The following GRM5 variants were observed in gnomAD, a reference collection of about 807,000 sequenced individuals.
GRM5 encodes the protein metabotropic glutamate receptor 5.
Under a neutral mutation model 83.1 loss-of-function variants are expected in GRM5, and 19 were observed. That is an observed-to-expected ratio of 0.23 (90% CI 0.16 to 0.34). The LOEUF is 0.34. Among genes scored for constraint, GRM5 ranks in the 10% least tolerant of loss-of-function variants. GRM5 has a pLI of 1.00. For synonymous variants in GRM5, 675 were observed against 633.6 expected (o/e 1.07, Z -0.98); for missense variants, 1,160 against 1,588.3 (o/e 0.73, Z 4.58).
intron 3 of GRM5, among the ~76,000 whole-genome samples, chr11:88,662,203 C>A (rs929499340): frequency 6.6e-6 from 1 of 152,126 alleles, no homozygotes; most frequent in Non-Finnish European, 1.5e-5. Context: ...GGAGGATTAA[C>A]TAGCCTTATA....
chr11:88,906,282 A>G (rs1172355988), intron 2 of GRM5, among the ~76,000 whole-genome samples: 1 of 152,206 alleles, frequency 6.6e-6, no homozygotes, highest in African/African-American at 2.4e-5. Flanking sequence ...AACAGAGGGC[A>G]ACTAAAACAA....
intron 2 of GRM5, among the ~76,000 whole-genome samples, chr11:88,978,473 TTAAAAAAAAAAAAAA>T (rs1939409881): frequency 1.8e-5 from 1 of 56,818 alleles, no homozygotes; most frequent in African/African-American, 6.6e-5. Context: ...GCAGATGAGC[TTAAAAAAAAAAAAAA>T]AAAAAAAAAA....
rs115452942 is a variant in GRM5 at position 88,580,002 on chromosome 11, A to T, written c.1690+10599T>A. 7.4e-3 allele frequency among the ~76,000 whole-genome samples: 1,124 copies of T among 152,308 alleles called. 12 individuals are homozygous for T. Among genetic ancestry groups the T allele is most frequent in the African/African-American group, 0.026 (1,086 of 41,586 alleles). ...GAGAAGTGGTGGAATTTGGGATATG[A>T]AGGATTAGCCAATGGGATTTCTTTA... On this transcript the variant is annotated intron_variant, in intron 7 of 9. Coordinates refer to ENST00000305447, the MANE Select transcript of GRM5 (RefSeq NM_001143831.3).
chr11:88,951,076 AGT>A (rs10588925), intron 2 of GRM5, among the ~76,000 whole-genome samples: 127,344 of 151,228 alleles, frequency 0.84, 56,357 homozygotes, highest in East Asian at 0.97. Context: ...GGCAGATTAG[AGT>A]GTGTGTGTGT....
At chr11:88,743,468 A>G (rs1019621467) in intron 3 of GRM5, among the ~76,000 whole-genome samples, 1 of 152,132 alleles carries the variant, frequency 6.6e-6, no homozygotes, top group Non-Finnish European at 1.5e-5. Flanking sequence ...CATGCCAAAT[A>G]ATTTGCCTCA....
chr11:88,856,523 T>G (rs1184497309), intron 2 of GRM5, among the ~76,000 whole-genome samples: 1 of 152,062 alleles, frequency 6.6e-6, no homozygotes, highest in Admixed American at 6.6e-5. Flanking sequence ...TGCCTGAAGC[T>G]AATTTATGGT....
chr11:88,686,089 C>G (rs1181501942), intron 3 of GRM5, among the ~76,000 whole-genome samples: 4 of 152,136 alleles, frequency 2.6e-5, no homozygotes, highest in Non-Finnish European at 5.9e-5. Context: ...ACACTCAACA[C>G]TACCCGCTGA....
intron 3 of GRM5, among the ~76,000 whole-genome samples, chr11:88,801,014 C>G (rs1943382967): frequency 6.6e-6 from 1 of 152,032 alleles, no homozygotes; most frequent in Admixed American, 6.6e-5. Flanking sequence ...CTGATAAATG[C>G]TATATGCTTC....
chr11:88,730,603 G>C (rs1941786084), intron 3 of GRM5, among the ~76,000 whole-genome samples: 1 of 152,052 alleles, frequency 6.6e-6, no homozygotes, highest in Non-Finnish European at 1.5e-5. Flanking sequence ...TAATAGCAAA[G>C]ACTTGGAACC....
intron 3 of GRM5, among the ~76,000 whole-genome samples, chr11:88,712,003 G>T (rs552517050): frequency 2.0e-4 from 31 of 151,948 alleles, no homozygotes; most frequent in Non-Finnish European, 3.5e-4. Flanking sequence ...AACCCATTAC[G>T]CACAAGAGTT....
intron 3 of GRM5, among the ~76,000 whole-genome samples, chr11:88,721,492 A>C (rs1372938137): frequency 1.3e-5 from 2 of 152,134 alleles, no homozygotes; most frequent in East Asian, 3.9e-4. Flanking sequence ...GGTTACAAAA[A>C]CACAGTCTAA....
At chr11:88,675,429 C>T (rs1940303502) in intron 3 of GRM5, among the ~76,000 whole-genome samples, 1 of 151,786 alleles carries the variant, frequency 6.6e-6, no homozygotes, top group African/African-American at 2.4e-5. Flanking sequence ...GAGTAAGGAT[C>T]TTTGGAGGTT....
intron 3 of GRM5, among the ~76,000 whole-genome samples, chr11:88,777,357 T>C (rs932949520): frequency 2.0e-5 from 3 of 152,214 alleles, no homozygotes; most frequent in Non-Finnish European, 4.4e-5. Context: ...TTCAAGGTTT[T>C]TAGCTTCCTT....
chr11:89,065,390 T>C (rs992072427), intron 1 of GRM5, among the ~76,000 whole-genome samples: 1 of 146,154 alleles, frequency 6.8e-6, no homozygotes, highest in Non-Finnish European at 1.5e-5. Flanking sequence ...CTTTATCTTT[T>C]CCTCCTCTGT....
intron 3 of GRM5, among the ~76,000 whole-genome samples, chr11:88,688,953 G>A (rs547827023): frequency 6.6e-6 from 1 of 152,070 alleles, no homozygotes; most frequent in Non-Finnish European, 1.5e-5. Context: ...TATCATTAAT[G>A]TTAAAATACT....
intron 3 of GRM5, among the ~76,000 whole-genome samples, chr11:88,711,527 T>G (rs928373236): frequency 6.6e-5 from 10 of 152,136 alleles, no homozygotes; most frequent in Non-Finnish European, 1.5e-4. Context: ...GTTCTCATGC[T>G]GACAGGTACT....
intron 3 of GRM5, among the ~76,000 whole-genome samples, chr11:88,802,600 A>G (rs190901957): frequency 6.6e-6 from 1 of 152,178 alleles, no homozygotes; most frequent in Admixed American, 6.5e-5. Flanking sequence ...CAAAAATTGG[A>G]AGCATTCCCT....
At chr11:88,673,590 A>G (rs1203507518) in intron 3 of GRM5, among the ~76,000 whole-genome samples, 2 of 151,910 alleles carry the variant, frequency 1.3e-5, no homozygotes, top group East Asian at 1.9e-4. Context: ...TCACCCAATG[A>G]GGATGCTGCA....
At chr11:88,883,623 G>T (rs1944995895) in intron 2 of GRM5, among the ~76,000 whole-genome samples, 1 of 152,090 alleles carries the variant, frequency 6.6e-6, no homozygotes, top group Non-Finnish European at 1.5e-5. Flanking sequence ...GTAACAAGAA[G>T]TCAAATACTA....
Sources: gnomAD v4.1 joint callset for allele counts (sites outside exome capture counted in the v4.1 genomes callset) on GRCh38, gnomAD v4.1.1 for gene constraint, MANE v1.5 for transcripts, NCBI Gene and HGNC (gene_info 2026-07-23, HGNC 2026-07-21) for gene names.